The following SPATA16 variants were observed in gnomAD, a reference collection of about 807,000 sequenced individuals.
The protein encoded by SPATA16 is spermatogenesis-associated protein 16.
A neutral mutation model predicts 63.3 loss-of-function variants in SPATA16; 36 were observed. The ratio of observed to expected loss-of-function variants is 0.57; its 90% CI spans 0.44 to 0.75. SPATA16 has a LOEUF of 0.75. Among genes scored for constraint, SPATA16 ranks in the 30% least tolerant of loss-of-function variants. SPATA16 has a pLI of 0.00. For missense variants in SPATA16, 646 were observed against 679.3 expected (o/e 0.95, Z 0.54); for synonymous variants, 203 against 216.7 (o/e 0.94, Z 0.56).
At chr3:173,088,509 A>T (rs1483487588) in intron 2 of SPATA16, among the ~76,000 whole-genome samples, 2 of 152,108 alleles carry the variant, frequency 1.3e-5, no homozygotes, top group Non-Finnish European at 1.5e-5. Context: ...ATATGTGTGT[A>T]TTTAAGCTGA....
At chr3:173,029,417 G>GTTTTTTTTTTTTT (rs879921705) in intron 3 of SPATA16, among the ~76,000 whole-genome samples, 1 of 131,760 alleles carries the variant, frequency 7.6e-6, no homozygotes, top group African/African-American at 2.6e-5. Context: ...TTTTTTTTTT[G>GTTTTTTTTTTTTT]TTTGTTTGTT....
intron 1 of SPATA16, among the ~76,000 whole-genome samples, chr3:173,132,781 AGAG>A (rs1204330237): frequency 1.3e-5 from 2 of 152,198 alleles, no homozygotes; most frequent in African/African-American, 4.8e-5. Flanking sequence ...TTAACCCCAA[AGAG>A]GAGAGAAATA....
At chr3:172,897,944 CTGAG>C (rs1251043430) in intron 10 of SPATA16, among the ~76,000 whole-genome samples, 3 of 151,920 alleles carry the variant, frequency 2.0e-5, no homozygotes, top group Non-Finnish European at 2.9e-5. Flanking sequence ...CCCTAGTTTT[CTGAG>C]TATTTTTTAA....
chr3:173,019,352 G>A (rs376340378), intron 4 of SPATA16, 134 bp downstream of exon 4: 32 of 838,670 alleles, frequency 3.8e-5, no homozygotes, highest in African/African-American at 2.7e-4. Context: ...CTGGTTTGAC[G>A]TTGATAGACA....
intron 5 of SPATA16, 37 bp downstream of exon 5, chr3:172,976,931 T>A: frequency 1.9e-6 from 3 of 1,554,278 alleles, no homozygotes; most frequent in Non-Finnish European, 2.7e-6. Context: ...AAAAATGAGA[T>A]GGGTTTCTCC....
At chr3:173,055,263 A>G (rs1431779518) in intron 2 of SPATA16, among the ~76,000 whole-genome samples, 2 of 152,220 alleles carry the variant, frequency 1.3e-5, no homozygotes, top group Non-Finnish European at 2.9e-5. Context: ...GAGAAACTCA[A>G]TAGTTGCACT....
At chr3:173,109,305 C>A (rs569225707) in intron 2 of SPATA16, among the ~76,000 whole-genome samples, 89 of 152,272 alleles carry the variant, frequency 5.8e-4, no homozygotes, top group African/African-American at 2.1e-3. Flanking sequence ...AACTGTGGCT[C>A]TTCCCCTGCT....
intron 6 of SPATA16, among the ~76,000 whole-genome samples, chr3:172,955,376 T>TAC (rs1214143264): frequency 6.6e-6 from 1 of 152,174 alleles, no homozygotes; most frequent in Non-Finnish European, 1.5e-5. Flanking sequence ...GCTGCTAGCA[T>TAC]ACACCCTCCA....
chr3:173,062,154 A>G (rs1736397165), intron 2 of SPATA16, among the ~76,000 whole-genome samples: 2 of 142,238 alleles, frequency 1.4e-5, no homozygotes, highest in Non-Finnish European at 3.0e-5. Context: ...TAATTTGCTT[A>G]TGCTCTGAAG....
At chr3:173,130,985 T>C (rs919513576) in intron 1 of SPATA16, among the ~76,000 whole-genome samples, 9 of 152,222 alleles carry the variant, frequency 5.9e-5, no homozygotes, top group Middle Eastern at 3.2e-3. Flanking sequence ...CAAAATAGTT[T>C]AGAAATATAA....
chr3:172,973,617 T>A (rs2108248479), intron 5 of SPATA16, among the ~76,000 whole-genome samples: 1 of 152,302 alleles, frequency 6.6e-6, no homozygotes, highest in African/African-American at 2.4e-5. Context: ...GAGTGGAAGA[T>A]GGAGGAAGCT....
intron 5 of SPATA16, among the ~76,000 whole-genome samples, chr3:172,962,498 ATCTC>A (rs1733813679): frequency 1.3e-5 from 2 of 152,264 alleles, no homozygotes; most frequent in East Asian, 1.9e-4. Context: ...GAAACTTGGA[ATCTC>A]TCTCATAATC....
At chr3:173,079,339 T>C (rs1377959079) in intron 2 of SPATA16, among the ~76,000 whole-genome samples, 1 of 152,068 alleles carries the variant, frequency 6.6e-6, no homozygotes, top group South Asian at 2.1e-4. Flanking sequence ...AGAAAAACCA[T>C]GGGCAAGATG....
intron 1 of SPATA16, among the ~76,000 whole-genome samples, chr3:173,139,322 T>C (rs1358972670): frequency 1.3e-5 from 2 of 152,226 alleles, no homozygotes; most frequent in African/African-American, 2.4e-5. Context: ...AGAGCTATGA[T>C]AAATTAGTCT....
intron 4 of SPATA16, among the ~76,000 whole-genome samples, chr3:172,981,846 A>G: frequency 6.6e-6 from 1 of 152,208 alleles, no homozygotes; most frequent in East Asian, 1.9e-4. Context: ...ATAACGTGTT[A>G]ACGGAACACA....
At chr3:172,907,405 T>G (rs768273371) in intron 10 of SPATA16, among the ~76,000 whole-genome samples, 1 of 152,204 alleles carries the variant, frequency 6.6e-6, no homozygotes, top group Admixed American at 6.5e-5. Flanking sequence ...CCTACTTCTA[T>G]TCTTGCCTTC....
At chr3:173,124,331 C>T (rs1055530491) in intron 1 of SPATA16, among the ~76,000 whole-genome samples, 9 of 152,134 alleles carry the variant, frequency 5.9e-5, no homozygotes, top group East Asian at 5.8e-4. Context: ...TGGGAATGAT[C>T]GGATACATGA....
intron 10 of SPATA16, among the ~76,000 whole-genome samples, chr3:172,890,187 T>A (rs2109536632): frequency 6.6e-6 from 1 of 152,294 alleles, no homozygotes; most frequent in South Asian, 2.1e-4. Flanking sequence ...GAATCATGTC[T>A]CCTTTCAATC....
chr3:172,952,276 A>C (rs1029976242), intron 6 of SPATA16, among the ~76,000 whole-genome samples: 3 of 152,212 alleles, frequency 2.0e-5, no homozygotes, highest in Non-Finnish European at 4.4e-5. Context: ...GAAGCTGCCT[A>C]CTTGTTATGA....
Sources: gnomAD v4.1 joint callset for allele counts (sites outside exome capture counted in the v4.1 genomes callset) on GRCh38, gnomAD v4.1.1 for gene constraint, MANE v1.5 for transcripts, NCBI Gene and HGNC (gene_info 2026-07-23, HGNC 2026-07-21) for gene names.